DLGAP1: variants seen among roughly 807,000 people sequenced by gnomAD.
DLGAP1 encodes disks large-associated protein 1.
Under a neutral mutation model 90.8 loss-of-function variants are expected in DLGAP1, and 11 were observed. The ratio of observed to expected loss-of-function variants is 0.12; its 90% CI spans 0.08 to 0.20. The LOEUF is 0.20. Among genes scored for constraint, DLGAP1 ranks in the 10% least tolerant of loss-of-function variants. DLGAP1 has a pLI of 1.00. For synonymous variants in DLGAP1, 558 were observed against 540.7 expected (o/e 1.03, Z -0.44); for missense variants, 1,050 against 1,333.8 (o/e 0.79, Z 3.31).
chr18:4,319,543 C>T (rs1388430755), intron 1 of DLGAP1, among the ~76,000 whole-genome samples: 3 of 152,046 alleles, frequency 2.0e-5, no homozygotes, highest in African/African-American at 4.8e-5. Flanking sequence ...TTGAAGATGA[C>T]TATTGTAGAA....
intron 4 of DLGAP1, among the ~76,000 whole-genome samples, chr18:3,847,824 A>T (rs1333576855): frequency 6.6e-6 from 1 of 152,172 alleles, no homozygotes; most frequent in Non-Finnish European, 1.5e-5. Flanking sequence ...CAAAAGGGCT[A>T]AAGCCCAGAA....
chr18:3,735,747 C>T (rs535429520), intron 6 of DLGAP1, among the ~76,000 whole-genome samples: 3 of 152,040 alleles, frequency 2.0e-5, no homozygotes, highest in East Asian at 1.9e-4. Flanking sequence ...AATCATAAAA[C>T]GGTAACTAAT....
intron 1 of DLGAP1, among the ~76,000 whole-genome samples, chr18:4,367,030 A>AAAAAT (rs71160960): frequency 4.4e-5 from 6 of 135,068 alleles, no homozygotes; most frequent in Non-Finnish European, 6.3e-5. Context: ...AAAAAAAAAA[A>AAAAAT]TCTTGTACTT....
rs531597212 is a variant in DLGAP1 at position 4,206,474 on chromosome 18, C to A, written c.-266-55187G>T. The stretch of plus-strand genomic sequence containing the variant: ...AAGTGGCTGCTCTTCCCTGATGTCA[C>A]CCTAGTTCCAAGATCTGAGGGTCAG... On this transcript the variant is annotated intron_variant, in intron 1 of 12. Coordinates refer to ENST00000315677, the MANE Select transcript of DLGAP1 (RefSeq NM_004746.4). Among the ~76,000 whole-genome samples, 9 of 152,206 alleles carry A rather than the reference C, an allele frequency of 5.9e-5. No individual in the cohort carries two copies. In the East Asian group the frequency reaches 1.7e-3, roughly 30 times the overall value.
intron 1 of DLGAP1, among the ~76,000 whole-genome samples, chr18:4,236,458 T>C (rs2078416997): frequency 6.6e-6 from 1 of 152,198 alleles, no homozygotes; most frequent in Admixed American, 6.5e-5. Context: ...ATTTTCCTTG[T>C]GCTTTTACAC....
At chr18:4,443,626 C>T (rs1007513234) in intron 1 of DLGAP1, among the ~76,000 whole-genome samples, 10 of 152,150 alleles carry the variant, frequency 6.6e-5, no homozygotes, top group South Asian at 2.1e-4. Context: ...AGTGTCCAAA[C>T]GTATTCAGTT....
chr18:3,671,024 A>G (rs8084803), intron 7 of DLGAP1, among the ~76,000 whole-genome samples: 99,125 of 151,864 alleles, frequency 0.65, 34,309 homozygotes, highest in African/African-American at 0.89. Flanking sequence ...TACCTGAGCC[A>G]GTATTACTTC....
At chr18:4,431,247 C>T (rs1014535279) in intron 1 of DLGAP1, 15 of 152,242 alleles carry the variant, frequency 9.9e-5, no homozygotes, top group African/African-American at 3.4e-4. Flanking sequence ...CTTTGGATTT[C>T]ATGATACTGT....
At chr18:3,586,631 GC>G (rs2055904525) in intron 7 of DLGAP1, among the ~76,000 whole-genome samples, 1 of 152,088 alleles carries the variant, frequency 6.6e-6, no homozygotes, top group Non-Finnish European at 1.5e-5. Flanking sequence ...GCTTAAGATT[GC>G]CATTTGAAGG....
chr18:4,035,126 C>T lies in DLGAP1; in HGVS notation c.-158-29925G>A, dbSNP rs145578528. On this transcript the variant is annotated intron_variant, in intron 2 of 12. Transcript: ENST00000315677. Reference sequence around the variant, plus strand: ...AAGTCTTTGCTATTGTGAATAGTGCCGCAATAAACATACACGTGCATGTGT... The same window carrying T: ...AAGTCTTTGCTATTGTGAATAGTGCTGCAATAAACATACACGTGCATGTGT... Among the ~76,000 whole-genome samples the T allele has an allele frequency of 8.6e-4, 131 of 152,204 alleles. 1 individual carries two copies. The highest frequency in any genetic ancestry group is 2.9e-3 in the African/African-American group (122 of 41,506).
chr18:3,590,167 C>T (rs2056149553), intron 7 of DLGAP1, among the ~76,000 whole-genome samples: 1 of 152,194 alleles, frequency 6.6e-6, no homozygotes. Flanking sequence ...CCCTTAGCCT[C>T]CCAAAGTGTT....
chr18:4,347,866 G>C (rs2081328006), intron 1 of DLGAP1, among the ~76,000 whole-genome samples: 1 of 151,990 alleles, frequency 6.6e-6, no homozygotes, highest in African/African-American at 2.4e-5. Flanking sequence ...AGAGGTAAAA[G>C]TATCCCTACT....
At chr18:3,631,484 A>C (rs933470612) in intron 7 of DLGAP1, among the ~76,000 whole-genome samples, 16 of 152,174 alleles carry the variant, frequency 1.1e-4, no homozygotes, top group African/African-American at 3.6e-4. Flanking sequence ...GTGGTGGCTC[A>C]TGTCTGTAAT....
At chr18:4,301,172 C>A (rs966637575) in intron 1 of DLGAP1, among the ~76,000 whole-genome samples, 1 of 151,312 alleles carries the variant, frequency 6.6e-6, no homozygotes, top group Non-Finnish European at 1.5e-5. Context: ...TTGAAATGTA[C>A]AATACATTAT....
At chr18:4,192,206 C>T (rs2077414092) in intron 1 of DLGAP1, among the ~76,000 whole-genome samples, 1 of 152,094 alleles carries the variant, frequency 6.6e-6, no homozygotes, top group Non-Finnish European at 1.5e-5. Context: ...CTTTTATCCT[C>T]AGAAAAGCAT....
intron 9 of DLGAP1, among the ~76,000 whole-genome samples, chr18:3,549,497 T>A (rs2053254395): frequency 6.6e-6 from 1 of 152,144 alleles, no homozygotes; most frequent in Non-Finnish European, 1.5e-5. Flanking sequence ...CACACCCAGC[T>A]AATTTTTGTA....
At chr18:3,978,568 G>C (rs568183374) in intron 3 of DLGAP1, 1 of 231,764 alleles carries the variant, frequency 4.3e-6, no homozygotes, top group Admixed American at 4.1e-5. Flanking sequence ...CGGTGACCAG[G>C]TGCCCAACAC....
At chr18:4,109,342 A>C (rs1003431029) in intron 2 of DLGAP1, among the ~76,000 whole-genome samples, 3 of 152,100 alleles carry the variant, frequency 2.0e-5, no homozygotes, top group African/African-American at 4.8e-5. Flanking sequence ...TAATTAAGGG[A>C]GTGATATCTC....
chr18:3,505,881 C>T (rs1461651640), intron 11 of DLGAP1, among the ~76,000 whole-genome samples: 6 of 152,036 alleles, frequency 3.9e-5, no homozygotes, highest in Non-Finnish European at 7.4e-5. Flanking sequence ...GGAATGTGAG[C>T]CCATCAAGAA....
Sources: allele counts gnomAD v4.1 joint callset (sites outside exome capture counted in the v4.1 genomes callset), GRCh38; gene constraint gnomAD v4.1.1; transcripts MANE v1.5; gene names NCBI Gene and HGNC (gene_info 2026-07-23, HGNC 2026-07-21).